IPO4: variants seen among roughly 807,000 people sequenced by gnomAD.
The protein encoded by IPO4 is importin-4.
Under a neutral mutation model 133.5 loss-of-function variants are expected in IPO4, and 91 were observed. The ratio of observed to expected loss-of-function variants is 0.68; its 90% CI spans 0.58 to 0.81. The LOEUF is 0.81. IPO4 is among the 30% of genes least tolerant of loss of function. The pLI, the probability that IPO4 is intolerant of heterozygous loss-of-function variation, is 0.00. For synonymous variants in IPO4, 607 were observed against 581.6 expected (o/e 1.04, Z -0.63); for missense variants, 1,279 against 1,386.2 (o/e 0.92, Z 1.23).
rs1178445253 is a variant in IPO4 at position 24,181,824 on chromosome 14, C to T, written c.2827G>A (p.Gly943Arg). Residue 943 changes from glycine to arginine, a missense_variant, in exon 27 of 30, where the codon GGG becomes AGG. Around this residue, in one of 3 missense-constraint regions of IPO4, gnomAD observed 575 missense variants for 653.4 expected, o/e 0.88. Transcript: ENST00000354464. The stretch of plus-strand genomic sequence containing the variant: ...CGCGCCAGGAGGGGAAAAAGGAGCC[C>T]CAGCAGCTTGGGGAAGTGTCTGGTC... ...PAQEHFPKLL[G>R]LLFPLLARER... 1.3e-6 allele frequency: 2 copies of T among 1,596,498 alleles called. No individual in the cohort carries two copies. Among genetic ancestry groups the T allele is most frequent in the East Asian group, 2.2e-5 (1 of 44,646 alleles).
Position 24,186,913 on chromosome 14 carries a change from G to C in IPO4, c.721C>G (p.Pro241Ala), listed in dbSNP as rs765722271. ...AATGTGAGGACTTCAGAGAGGTAGG[G>C]GGTGATGACCGGCACCTCTGACTCC... ...LLESEVPVIT[P>A]YLSEVLTFCL... is the part of the protein sequence containing the mutation. The change falls in exon 8 of 30, where the codon CCC becomes GCC. Residue 241 changes from proline to alanine, a missense_variant. Transcript: ENST00000354464. The C allele has an allele frequency of 2.5e-6, 4 of 1,614,162 alleles. No individual in the cohort carries two copies. The East Asian group carries it at 8.9e-5, about 36-fold the overall frequency.
At chr14:24,181,404 C>A in intron 28 of IPO4, 109 bp downstream of exon 28, 3 of 793,560 alleles carry the variant, frequency 3.8e-6, no homozygotes, top group Non-Finnish European at 2.1e-6. Context: ...TGTCACCTTG[C>A]ATCAGGTGCA....
chr14:24,187,663 G>C lies in IPO4; in HGVS notation c.408+4C>G, dbSNP rs751086292. ...CCTCCCTCCTGCCAACCATGTGATG[G>C]TACCTCTCTCTCTGGGCTGTGGGGG... On this transcript the variant is annotated splice_donor_region_variant and intron_variant, in intron 5 of 29. Coordinates refer to ENST00000354464, the MANE Select transcript of IPO4 (RefSeq NM_024658.4). 2 of 1,613,964 alleles carry C rather than the reference G, an allele frequency of 1.2e-6. No individual in the cohort carries two copies. Among genetic ancestry groups the C allele is most frequent in the Admixed American group, 3.3e-5 (2 of 60,018 alleles).
chr14:24,183,972 G>GGCCCCCCCCCCCCCCCCCCCTCCC, intron 18 of IPO4, 26 bp downstream of exon 18: 1 of 1,573,308 alleles, frequency 6.4e-7, no homozygotes, highest in Admixed American at 1.8e-5. Flanking sequence ...GGCAGGCCTG[G>GGCCCCCCCCCCCCCCCCCCCTCCC]CCCAGCCCAC....
chr14:24,185,953 C>A lies in IPO4; in HGVS notation c.1077G>T (p.Glu359Asp). 1 of 1,614,096 alleles carries A rather than the reference C, an allele frequency of 6.2e-7. No homozygotes were observed. The highest frequency in any genetic ancestry group is 8.5e-7 in the Non-Finnish European group (1 of 1,179,984). Residue 359 changes from glutamate to aspartate, a missense_variant, in exon 12 of 30, where the codon GAG (glutamate) becomes GAT (aspartate). Glu to Asp is a conservative substitution (Grantham distance 45). Transcript: ENST00000354464. The stretch of plus-strand genomic sequence containing the variant: ...GGTATGGGCTCTCGCTCCGCAAAGC[C>A]TCTTCCAACATGGGCATCTAGGGAA... The part of the protein sequence containing the change: ...LCPQLMPMLE[E>D]ALRSESPYQR...
chr14:24,188,643 G>A lies in IPO4; in HGVS notation c.70-5C>T. ...GATCTGGAGCTGTTCCGTGGCCTGG[G>A]GGGAAGCTAGGGGTGAGAGTTGGGC... On this transcript the variant is annotated splice_region_variant and splice_polypyrimidine_tract_variant and intron_variant, in intron 1 of 29. Coordinates refer to ENST00000354464, the MANE Select transcript of IPO4 (RefSeq NM_024658.4). The A allele has an allele frequency of 1.2e-6, 2 of 1,608,856 alleles. No individual in the cohort carries two copies. The highest frequency in any genetic ancestry group is 1.1e-5 in the South Asian group (1 of 90,618).
At chr14:24,187,280 T>G (rs1337609658) in intron 6 of IPO4, 120 bp downstream of exon 6, 1 of 1,466,470 alleles carries the variant, frequency 6.8e-7, no homozygotes, top group Non-Finnish European at 9.5e-7. Flanking sequence ...GCATCCCCTC[T>G]CAATTGTCAG....
chr14:24,182,727 T>C, intron 24 of IPO4, 65 bp downstream of exon 24: 1 of 1,576,200 alleles, frequency 6.3e-7, no homozygotes. Context: ...AAATACACTG[T>C]CCACCCCTGT....
rs1165836140 is a variant in IPO4, at chr14:24,188,809, A to G, written c.-22T>C. 2 of 1,485,456 alleles carry G rather than the reference A, an allele frequency of 1.3e-6. No homozygotes were observed. Among genetic ancestry groups the G allele is most frequent in the South Asian group, 2.8e-5 (2 of 72,410 alleles). The allele number at this position is 1,485,456 out of a possible 1,614,324, so 92.0% of individuals were successfully genotyped here. On this transcript the variant is annotated 5_prime_UTR_variant, in exon 1 of 30. Transcript: ENST00000354464. Reference sequence around the variant, plus strand: ...CCATGGCAGCAACTGAGCCGCCGCTACTGGGCCGAAAAGGGGAGGGGGAGG... The same window carrying G: ...CCATGGCAGCAACTGAGCCGCCGCTGCTGGGCCGAAAAGGGGAGGGGGAGG...
intron 11 of IPO4, 36 bp downstream of exon 11, chr14:24,186,093 G>C: frequency 6.2e-7 from 1 of 1,612,752 alleles, no homozygotes; most frequent in Non-Finnish European, 8.5e-7. Context: ...GGCACACTTG[G>C]AGGTAGGGAC....
In IPO4 at chr14:24,183,627, T is replaced by C; in HGVS notation, c.2026A>G (p.Thr676Ala). ...ENAFFDEKED[T>A]CAAVGEISVN... ...GAGATCTCCCCCACGGCAGCACAGGTGTCTTCCTTCTCATCGAAGAAGGCA... is the reference window on the plus strand; with the variant it reads ...GAGATCTCCCCCACGGCAGCACAGGCGTCTTCCTTCTCATCGAAGAAGGCA... The change falls in exon 20 of 30, where the codon ACC becomes GCC. Residue 676 changes from threonine to alanine, a missense_variant. Around this residue, in one of 3 missense-constraint regions of IPO4, gnomAD observed 575 missense variants for 653.4 expected, o/e 0.88. Coordinates refer to ENST00000354464, the MANE Select transcript of IPO4 (RefSeq NM_024658.4). 1 of 1,614,030 alleles carries C rather than the reference T, an allele frequency of 6.2e-7. No homozygotes were observed. The highest frequency in any genetic ancestry group is 8.5e-7 in the Non-Finnish European group (1 of 1,180,014).
chr14:24,187,524 G>A lies in IPO4; in HGVS notation c.464C>T (p.Pro155Leu), dbSNP rs570745783. 6.2e-7 allele frequency: 1 copy of A among 1,614,150 alleles called. No individual in the cohort carries two copies. Among genetic ancestry groups the A allele is most frequent in the Admixed American group, 1.7e-5 (1 of 60,030 alleles). Residue 155 changes from proline to leucine, a missense_variant, in exon 6 of 30, where the codon CCC becomes CTC. Physicochemically the swap from Pro to Leu is moderately conservative, Grantham distance 98. This residue lies in a region of IPO4 where 695 missense variants were observed against 704.1 expected (regional missense o/e 0.99). Coordinates refer to ENST00000354464, the MANE Select transcript of IPO4 (RefSeq NM_024658.4). ...AAGCCGAAGAAGCTCCCGGTGGTGG[G>A]GTTGGAAGGCCTCGGGCCGGGAGGT... ...VVTSRPEAFQ[P>L]HHRELLRLLN...
At chr14:24,182,681 C>G in intron 24 of IPO4, 111 bp downstream of exon 24, 1 of 1,239,316 alleles carries the variant, frequency 8.1e-7, no homozygotes, top group Middle Eastern at 2.4e-4. Context: ...CATTACCAGT[C>G]TCTTTTAGTG....
chr14:24,183,291 T>G lies in IPO4; in HGVS notation c.2186A>C (p.His729Pro). The G allele has an allele frequency of 6.2e-7, 1 of 1,613,622 alleles. No individual in the cohort carries two copies. Among genetic ancestry groups the G allele is most frequent in the Non-Finnish European group, 8.5e-7 (1 of 1,179,816 alleles). The change falls in exon 22 of 30, where the codon CAC becomes CCC. Residue 729 changes from histidine (H) to proline (P), a missense_variant. Physicochemically the swap from His to Pro is moderately conservative, Grantham distance 77. Coordinates refer to ENST00000354464, the MANE Select transcript of IPO4 (RefSeq NM_024658.4). ...EALGQFCCALHKACQSCPSEP... is the reference protein window; with the variant it reads ...EALGQFCCALPKACQSCPSEP... ...CGAGGGGCAGCTTTGACAGGCCTTG[T>G]GCAGTGCACAGCAAAACTGACCCAG...
Position 24,188,367 on chromosome 14 carries a change from C to A in IPO4, c.213G>T (p.Arg71=). The change falls in exon 3 of 30, where the codon CGG becomes CGT. Residue 71 remains arginine, a synonymous_variant. Transcript: ENST00000354464. ...ACCTCTCCCGTTGCTCCGCCGCCAG[C>A]CGTCGCCAGCGGGTGTTCAGTCGTC... The part of the protein sequence containing the change: ...TRRRLNTRWR[R]LAAEQRESLK... 1 of 1,613,476 alleles carries A rather than the reference C, an allele frequency of 6.2e-7. No individual in the cohort carries two copies. Among genetic ancestry groups the A allele is most frequent in the African/African-American group, 1.3e-5 (1 of 75,064 alleles).
rs1396259994 is a variant in IPO4 at position 24,183,284 on chromosome 14, G to A, written c.2193C>T (p.Ala731=). The A allele has an allele frequency of 1.9e-6, 3 of 1,613,556 alleles. No individual in the cohort carries two copies. Among genetic ancestry groups the A allele is most frequent in the African/African-American group, 2.7e-5 (2 of 74,928 alleles). The change falls in exon 22 of 30, where the codon GCC becomes GCT. Residue 731 remains alanine (A), a synonymous_variant. Coordinates refer to ENST00000354464, the MANE Select transcript of IPO4 (RefSeq NM_024658.4). ...LGQFCCALHK[A]CQSCPSEPNT... ...TGGGTTCCGAGGGGCAGCTTTGACA[G>A]GCCTTGTGCAGTGCACAGCAAAACT...
At chr14:24,185,138 C>T (rs200837765) in intron 14 of IPO4, 45 bp downstream of exon 14, 101 of 1,611,380 alleles carry the variant, frequency 6.3e-5, no homozygotes, top group Non-Finnish European at 7.0e-5. Flanking sequence ...CAGCCAAAGC[C>T]GCCGCCTCAT....
Position 24,183,625 on chromosome 14 carries a change from G to A in IPO4, c.2028C>T (p.Thr676=), listed in dbSNP as rs200616826. The A allele has an allele frequency of 2.1e-5, 34 of 1,614,038 alleles. No individual in the cohort carries two copies. The highest frequency in any genetic ancestry group is 2.6e-5 in the Non-Finnish European group (31 of 1,180,042). ...ENAFFDEKED[T]CAAVGEISVN... ...CAGAGATCTCCCCCACGGCAGCACA[G>A]GTGTCTTCCTTCTCATCGAAGAAGG... The change falls in exon 20 of 30, where the codon ACC becomes ACT. Residue 676 remains threonine (T), a synonymous_variant. Transcript: ENST00000354464.
At chr14:24,186,042 C>T (rs1594442249) in intron 11 of IPO4, 72 bp from the exon 12 acceptor site, 1 of 1,597,702 alleles carries the variant, frequency 6.3e-7, no homozygotes, top group Non-Finnish European at 8.6e-7. Context: ...TAGGCCTTCA[C>T]ACCTCCCAGG....
Sources: gnomAD v4.1 joint callset for allele counts on GRCh38, gnomAD v4.1.1 for gene constraint, gnomAD v4.1.1 regional missense constraint, MANE v1.5 for transcripts, NCBI Gene and HGNC (gene_info 2026-07-23, HGNC 2026-07-21) for gene names.